LAMB4: variants seen among roughly 807,000 people sequenced by gnomAD.
LAMB4 encodes laminin subunit beta 4, also known as laminin subunit beta-4.
In LAMB4, 196 loss-of-function variants were observed where a neutral mutation model predicts 199.2. That is an observed-to-expected ratio of 0.98 (90% confidence interval 0.88 to 1.11). The LOEUF (loss-of-function observed/expected upper bound fraction) is 1.11, where lower values mean the gene tolerates loss of function less well. Among genes scored for constraint, LAMB4 ranks in the 50% least tolerant of loss-of-function variants. LAMB4 has a pLI of 0.00. For synonymous variants in LAMB4, 744 were observed against 770.6 expected (o/e 0.97, Z 0.57); for missense variants, 2,080 against 2,171.2 (o/e 0.96, Z 0.83).
Position 108,076,876 on chromosome 7 carries a change from G to C in LAMB4, c.2124+68C>G. On this transcript the variant is annotated intron_variant, in intron 17 of 33. Transcript: ENST00000388781. ...ATTTTTAAAGAAATATTTCACTAGT[G>C]AGTTTAAAAGTAGTTATAACGGTGC... 28 of 1,512,668 alleles carry C rather than the reference G, an allele frequency of 1.9e-5. No individual in the cohort carries two copies. In the South Asian group the frequency reaches 3.3e-4, roughly 18 times the overall value. The allele number at this position is 1,512,668 out of a possible 1,614,324, so 93.7% of individuals were successfully genotyped here.
intron 14 of LAMB4, 40 bp downstream of exon 14, chr7:108,091,586 A>G: frequency 1.9e-6 from 3 of 1,593,262 alleles, no homozygotes; most frequent in Non-Finnish European, 2.6e-6. Flanking sequence ...CTGACATATC[A>G]TCAAACACAG....
chr7:108,046,114 G>A (rs892319488), intron 28 of LAMB4, among the ~76,000 whole-genome samples: 7 of 151,928 alleles, frequency 4.6e-5, no homozygotes, highest in Admixed American at 3.9e-4. Context: ...GTCGGTGCAG[G>A]CTGGAGTGCA....
intron 33 of LAMB4, among the ~76,000 whole-genome samples, chr7:108,025,389 T>TTTTCTTTC (rs60438956): frequency 0.011 from 1,032 of 91,188 alleles, 61 homozygotes; most frequent in African/African-American, 0.027. Context: ...TTTTCTTTTC[T>TTTTCTTTC]TTTCTTTCTT....
chr7:108,015,770 T>A, the LAMB4 span, among the ~76,000 whole-genome samples: 54,105 of 145,280 alleles, frequency 0.37, 11,081 homozygotes, highest in African/African-American at 0.56. Flanking sequence ...TTTTTTTTTT[T>A]ACTTAAGACT....
intron 9 of LAMB4, among the ~76,000 whole-genome samples, chr7:108,103,898 G>A (rs1244584862): frequency 6.6e-6 from 1 of 152,092 alleles, no homozygotes. Flanking sequence ...GCTCTTCTAG[G>A]GACATTTCAT....
the LAMB4 span, among the ~76,000 whole-genome samples, chr7:108,016,967 T>C: frequency 6.6e-6 from 1 of 152,318 alleles, no homozygotes; most frequent in South Asian, 2.1e-4. Flanking sequence ...CCTCCTAGTT[T>C]TGGTGTTTGC....
chr7:108,103,193 T>G lies in LAMB4; in HGVS notation c.1031A>C (p.Asp344Ala), dbSNP rs777670925. The G allele has an allele frequency of 1.9e-6, 3 of 1,590,970 alleles. No homozygotes were observed. The highest frequency in any genetic ancestry group is 2.6e-6 in the Non-Finnish European group (3 of 1,167,966). Residue 344 changes from aspartate (D) to alanine (A), a missense_variant, in exon 10 of 34, where the codon GAC becomes GCC. By Grantham distance (126) the Asp-to-Ala change is moderately radical. Transcript: ENST00000388781. The part of the protein sequence containing the change: ...CNSHSSRCHF[D>A]MTTYLASGGL... ...ACCGCTTGCCAGGTACGTAGTCATG[T>G]CAAAGTGACAGCGGCTGGAGTGGCT...
chr7:108,027,002 A>G lies in LAMB4; in HGVS notation c.5146+2041T>C, dbSNP rs115878459. The G allele has an allele frequency of 2.4e-3, 1,079 of 453,222 alleles. 8 individuals are homozygous for G. Among genetic ancestry groups the G allele is most frequent in the African/African-American group, 0.02 (996 of 49,508 alleles). The allele number at this position is 453,222 out of a possible 1,614,324, so 28.1% of individuals were successfully genotyped here. ...CTAACTTCAACTTCTCTTCCAATCT[A>G]ATTTCAAGAACTATAAAAGCTGTGG... On this transcript the variant is annotated intron_variant, in intron 33 of 33. Coordinates refer to ENST00000388781, the MANE Select transcript of LAMB4 (RefSeq NM_007356.3).
intron 14 of LAMB4, among the ~76,000 whole-genome samples, chr7:108,080,412 G>A (rs374902248): frequency 7.9e-5 from 12 of 151,990 alleles, no homozygotes; most frequent in South Asian, 4.2e-4. Flanking sequence ...CACAGCCTCC[G>A]CTCAAATTCC....
At chr7:108,025,867 C>A (rs1395649487) in intron 33 of LAMB4, among the ~76,000 whole-genome samples, 3 of 152,216 alleles carry the variant, frequency 2.0e-5, no homozygotes, top group Non-Finnish European at 4.4e-5. Context: ...GACCCATTCG[C>A]CATCCTCGTC....
chr7:108,097,744 C>G (rs1387320126), intron 11 of LAMB4, among the ~76,000 whole-genome samples: 1 of 151,970 alleles, frequency 6.6e-6, no homozygotes, highest in African/African-American at 2.4e-5. Flanking sequence ...ATAAACAAAC[C>G]ACCACTTGAA....
At chr7:108,076,584 G>A (rs1327850401) in intron 17 of LAMB4, among the ~76,000 whole-genome samples, 1 of 152,144 alleles carries the variant, frequency 6.6e-6, no homozygotes, top group African/African-American at 2.4e-5. Flanking sequence ...CCAACAGTGT[G>A]CTGTCGTGGC....
At chr7:108,038,413 G>A (rs1475987971) in intron 29 of LAMB4, among the ~76,000 whole-genome samples, 3 of 152,112 alleles carry the variant, frequency 2.0e-5, no homozygotes, top group African/African-American at 7.2e-5. Flanking sequence ...CACCCACCTT[G>A]CCCTCCCAAA....
At chr7:108,013,717 T>C in the LAMB4 span, among the ~76,000 whole-genome samples, 1 of 152,204 alleles carries the variant, frequency 6.6e-6, no homozygotes, top group African/African-American at 2.4e-5. Flanking sequence ...GACATAACTT[T>C]GATTTTGATT....
chr7:108,123,972 C>T (rs2038690054), intron 1 of LAMB4, among the ~76,000 whole-genome samples: 1 of 151,992 alleles, frequency 6.6e-6, no homozygotes, highest in South Asian at 2.1e-4. Context: ...TACATATACA[C>T]TTCAGTGGGT....
intron 29 of LAMB4, among the ~76,000 whole-genome samples, chr7:108,039,364 G>A (rs1248132875): frequency 6.6e-6 from 1 of 150,432 alleles, no homozygotes; most frequent in Non-Finnish European, 1.5e-5. Context: ...TTTACTTTCT[G>A]TAATATTTTT....
At chr7:108,016,275 ATTTTTTT>A in the LAMB4 span, among the ~76,000 whole-genome samples, 15 of 97,854 alleles carry the variant, frequency 1.5e-4, no homozygotes, top group East Asian at 3.0e-4. Context: ...GCATTTTGGA[ATTTTTTT>A]TTTTTTTTTT....
At chr7:108,116,483 CT>C (rs1158285953) in intron 2 of LAMB4, among the ~76,000 whole-genome samples, 1 of 152,172 alleles carries the variant, frequency 6.6e-6, no homozygotes, top group Non-Finnish European at 1.5e-5. Context: ...GAATAATACA[CT>C]TGAAAGATAC....
intron 28 of LAMB4, among the ~76,000 whole-genome samples, chr7:108,045,463 C>A (rs1045121566): frequency 3.3e-5 from 5 of 152,202 alleles, no homozygotes; most frequent in African/African-American, 1.2e-4. Flanking sequence ...AACATGACAT[C>A]CCCTCTCATC....
Sources: gnomAD v4.1 joint callset for allele counts (sites outside exome capture counted in the v4.1 genomes callset) on GRCh38, gnomAD v4.1.1 for gene constraint, MANE v1.5 for transcripts, NCBI Gene and HGNC (gene_info 2026-07-23, HGNC 2026-07-21) for gene names.